The following ABR variants were observed in gnomAD, a reference collection of about 807,000 sequenced individuals.
ABR encodes active breakpoint cluster region-related protein.
A neutral mutation model predicts 107.2 loss-of-function variants in ABR; 35 were observed. That is an observed-to-expected ratio of 0.33 (90% CI 0.25 to 0.43). ABR has a LOEUF of 0.43. Ranked by LOEUF, ABR falls within the 20% of genes least tolerant of loss-of-function variation. ABR has a pLI of 1.00. For missense variants in ABR, 815 were observed against 1,115.2 expected (o/e 0.73, Z 3.83); for synonymous variants, 498 against 462.0 (o/e 1.08, Z -1.00).
intron 1 of ABR, among the ~76,000 whole-genome samples, chr17:1,145,907 G>A (rs1287535265): frequency 3.3e-5 from 5 of 152,202 alleles, no homozygotes; most frequent in African/African-American, 7.2e-5. Flanking sequence ...CAGTGCTGCT[G>A]GGTGGCCACG....
chr17:1,061,052 C>T (rs1390653699), intron 10 of ABR, among the ~76,000 whole-genome samples: 1 of 152,174 alleles, frequency 6.6e-6, no homozygotes, highest in Non-Finnish European at 1.5e-5. Context: ...ACTCAGAGGA[C>T]GGCACCTGTG....
intron 1 of ABR, among the ~76,000 whole-genome samples, chr17:1,162,437 G>A (rs1173859243): frequency 1.3e-4 from 20 of 152,192 alleles, no homozygotes; most frequent in Admixed American, 1.3e-3. Context: ...GGAGATGAGA[G>A]GAAGACAAGG....
intron 16 of ABR, among the ~76,000 whole-genome samples, chr17:1,033,569 G>A (rs1377268304): frequency 6.6e-6 from 1 of 152,214 alleles, no homozygotes; most frequent in African/African-American, 2.4e-5. Flanking sequence ...GGCTGGTGGA[G>A]GGGGGCCTTG....
rs1213393582 is a variant in ABR at position 1,010,316 on chromosome 17, G to A, written c.2236+413C>T. On this transcript the variant is annotated intron_variant, in intron 20 of 22. Transcript: ENST00000302538. This position sits in a 1 kb window ranked among gnomAD's most constrained non-coding sequence, Gnocchi z 4.1. ...GGCCGGGGCCCTCCGCAGAGGTGACGGGACGGTGTGTGGTCCCGCTGGAAG... is the reference window on the plus strand; with the variant it reads ...GGCCGGGGCCCTCCGCAGAGGTGACAGGACGGTGTGTGGTCCCGCTGGAAG... The A allele has an allele frequency of 1.3e-5, 3 of 231,394 alleles. No homozygotes were observed. The highest frequency in any genetic ancestry group is 2.0e-4 in the East Asian group (2 of 10,066). 14.3% of individuals were successfully genotyped at this position (231,394 alleles called of 1,614,324 possible).
chr17:1,028,782 C>CACCG (rs2072454898), intron 16 of ABR, among the ~76,000 whole-genome samples: 2 of 152,200 alleles, frequency 1.3e-5, no homozygotes, highest in Admixed American at 1.3e-4. Flanking sequence ...GAGTCCCCAC[C>CACCG]GCCGGCCAGC....
intron 18 of ABR, 68 bp downstream of exon 18, chr17:1,012,619 TG>T (rs1233712634): frequency 9.3e-6 from 11 of 1,179,544 alleles, no homozygotes; most frequent in South Asian, 2.6e-5. Context: ...CGGGGAGGGC[TG>T]GGGGGCCCGG....
chr17:1,019,564 G>A (rs960827493), intron 16 of ABR, among the ~76,000 whole-genome samples: 7 of 152,230 alleles, frequency 4.6e-5, no homozygotes, highest in Non-Finnish European at 1.0e-4. Flanking sequence ...TGACAACGAC[G>A]CTCTGTTTCC....
At chr17:1,065,710 T>C (rs146962825) in intron 10 of ABR, among the ~76,000 whole-genome samples, 1 of 151,426 alleles carries the variant, frequency 6.6e-6, no homozygotes, top group East Asian at 1.9e-4. Flanking sequence ...ATTTCCTCTT[T>C]ACCTTGTCAG....
chr17:1,226,834 T>G (rs954818781), intron 1 of ABR, among the ~76,000 whole-genome samples: 1 of 152,186 alleles, frequency 6.6e-6, no homozygotes, highest in African/African-American at 2.4e-5. Flanking sequence ...CATGCATGTA[T>G]GTGGCAGTGT....
At chr17:1,196,754 G>C (rs1271061619) in intron 1 of ABR, among the ~76,000 whole-genome samples, 1 of 151,260 alleles carries the variant, frequency 6.6e-6, no homozygotes, top group East Asian at 2.0e-4. Flanking sequence ...GAGTGCAGTG[G>C]CGCGATCCTG....
At chr17:1,228,831 C>T (rs1249350332) in exon 1 of ABR, 1 of 151,920 alleles carries the variant, frequency 6.6e-6, no homozygotes, top group African/African-American at 2.4e-5. Flanking sequence ...GCTGTGCCGG[C>T]TGCCGTCGCT....
chr17:1,030,293 T>A (rs1402506398), intron 16 of ABR, among the ~76,000 whole-genome samples: 1 of 152,250 alleles, frequency 6.6e-6, no homozygotes, highest in Non-Finnish European at 1.5e-5. Flanking sequence ...GGAAGCGCCC[T>A]GTTTGGCTGG....
chr17:1,043,671 C>G (rs2031051585), intron 16 of ABR, among the ~76,000 whole-genome samples: 3 of 152,198 alleles, frequency 2.0e-5, no homozygotes, highest in Admixed American at 2.0e-4. Context: ...TGGCTTCTAC[C>G]ACTATTTTTT....
At position 1,055,980 on chromosome 17, in the gene ABR, A is replaced by T; in HGVS notation, c.1561+55T>A. ...GCTGGCAGGGCCCCATCCTGGGCAG[A>T]GCAGTGCAGAATCCACAATGGCCCA... On this transcript the variant is annotated intron_variant, in intron 14 of 22. Coordinates refer to ENST00000302538, the MANE Select transcript of ABR (RefSeq NM_021962.5). 6 of 1,521,292 alleles carry T rather than the reference A, an allele frequency of 3.9e-6. No individual in the cohort carries two copies. The South Asian group carries it at 6.7e-5, about 17-fold the overall frequency. 94.2% of individuals were successfully genotyped at this position (1,521,292 alleles called of 1,614,324 possible).
chr17:1,012,238 C>G (rs539993519), intron 18 of ABR: 9 of 682,936 alleles, frequency 1.3e-5, no homozygotes, highest in Non-Finnish European at 2.4e-5. Flanking sequence ...GGCCGAGACT[C>G]TAGGGAAAGA....
chr17:1,014,964 A>G lies in ABR; in HGVS notation c.1792-1800T>C, dbSNP rs1260208878. On this transcript the variant is annotated intron_variant, in intron 16 of 22. Transcript: ENST00000302538. ...CATTTCTCCTAAAGAATGTTGTCCTAGTTTATATTTTTATATTTTCAAGTC... is the reference window on the plus strand; with the variant it reads ...CATTTCTCCTAAAGAATGTTGTCCTGGTTTATATTTTTATATTTTCAAGTC... 2.0e-5 allele frequency among the ~76,000 whole-genome samples: 3 copies of G among 152,316 alleles called. No individual in the cohort carries two copies. The South Asian group carries it at 6.2e-4, about 32-fold the overall frequency.
At chr17:1,169,391 C>T (rs763869831) in intron 1 of ABR, among the ~76,000 whole-genome samples, 1 of 152,214 alleles carries the variant, frequency 6.6e-6, no homozygotes, top group Non-Finnish European at 1.5e-5. Context: ...CTCTTGCACC[C>T]GTGAGGTGTC....
At chr17:1,122,622 C>T (rs190761793) in intron 2 of ABR, among the ~76,000 whole-genome samples, 1 of 152,338 alleles carries the variant, frequency 6.6e-6, no homozygotes, top group Admixed American at 6.5e-5. Flanking sequence ...GCTCTCCTAG[C>T]TCTCAGGCCT....
chr17:1,018,296 C>T (rs567823648), intron 16 of ABR, among the ~76,000 whole-genome samples: 1 of 152,320 alleles, frequency 6.6e-6, no homozygotes, highest in Non-Finnish European at 1.5e-5. Flanking sequence ...CCCACCTCGG[C>T]CTCCCAAAGT....
Sources: gnomAD v4.1 joint callset for allele counts (sites outside exome capture counted in the v4.1 genomes callset) on GRCh38, gnomAD v4.1.1 for gene constraint, Gnocchi (gnomAD v3.1) non-coding constraint, MANE v1.5 for transcripts, NCBI Gene and HGNC (gene_info 2026-07-23, HGNC 2026-07-21) for gene names.